Variants in MEGF11 observed in about 807,000 individuals in gnomAD.
MEGF11 encodes the protein multiple epidermal growth factor-like domains protein 11.
A neutral mutation model predicts 146.6 loss-of-function variants in MEGF11; 126 were observed. The observed-to-expected ratio is 0.86, with a 90% confidence interval of 0.74 to 1.00. The LOEUF (loss-of-function observed/expected upper bound fraction) is 1.00. Ranked by LOEUF, MEGF11 falls within the 50% of genes least tolerant of loss-of-function variation. MEGF11 has a pLI of 0.00. For missense variants in MEGF11, 1,509 were observed against 1,521.2 expected, an observed-to-expected ratio of 0.99 and a Z score of 0.13; for synonymous variants, 532 against 583.4, an observed-to-expected ratio of 0.91 and a Z score of 1.27.
chr15:65,956,609 C>T (rs2080648256), intron 10 of MEGF11, among the ~76,000 whole-genome samples: 1 of 152,240 alleles, frequency 6.6e-6, no homozygotes, highest in African/African-American at 2.4e-5. Context: ...CACAATTAAA[C>T]ATGGCCATAG....
chr15:66,031,619 G>A (rs1259498710), intron 5 of MEGF11, among the ~76,000 whole-genome samples: 3 of 152,216 alleles, frequency 2.0e-5, no homozygotes, highest in Non-Finnish European at 4.4e-5. Context: ...TGGTGGAGAG[G>A]CTGAGCTTGG....
chr15:66,013,753 G>A (rs1214720035), intron 5 of MEGF11, among the ~76,000 whole-genome samples: 6 of 152,186 alleles, frequency 3.9e-5, no homozygotes, highest in African/African-American at 1.4e-4. Context: ...ATGCAGAGGG[G>A]ACACCACATC....
At chr15:66,061,190 C>G (rs1050583550) in intron 5 of MEGF11, among the ~76,000 whole-genome samples, 1 of 152,186 alleles carries the variant, frequency 6.6e-6, no homozygotes, top group African/African-American at 2.4e-5. Context: ...TGGATCAGGG[C>G]CAAGGGGTAA....
chr15:66,137,363 C>T (rs2088933487), intron 1 of MEGF11, among the ~76,000 whole-genome samples: 1 of 152,064 alleles, frequency 6.6e-6, no homozygotes, highest in Non-Finnish European at 1.5e-5. Flanking sequence ...GAAGATGACC[C>T]TAAAGTCTTA....
At position 66,059,556 on chromosome 15, in the gene MEGF11, C is replaced by A. The variant is rs1318169277; in HGVS notation, c.394+34846G>T. Among the ~76,000 whole-genome samples the A allele has an allele frequency of 5.3e-5, 8 of 152,254 alleles. No individual in the cohort carries two copies. The South Asian group carries it at 8.3e-4, about 16-fold the overall frequency. ...CATTACCCATGTGCTTTTGACTCAG[C>A]AAAACTCCCAGCCCTCCCGCCCCTG... On this transcript the variant is annotated intron_variant, in intron 5 of 25. Coordinates refer to ENST00000395614, the MANE Select transcript of MEGF11 (RefSeq NM_001385028.1).
chr15:66,062,845 G>A (rs1668611211), intron 5 of MEGF11, among the ~76,000 whole-genome samples: 1 of 152,238 alleles, frequency 6.6e-6, no homozygotes, highest in Non-Finnish European at 1.5e-5. Context: ...CCCTATGGAG[G>A]TCAGCATAGC....
At chr15:66,050,790 C>A (rs2084417703) in intron 5 of MEGF11, among the ~76,000 whole-genome samples, 1 of 152,236 alleles carries the variant, frequency 6.6e-6, no homozygotes, top group South Asian at 2.1e-4. Flanking sequence ...CCAGGGCCCA[C>A]CCTGACCATC....
chr15:66,058,500 C>G (rs2084771627), intron 5 of MEGF11, among the ~76,000 whole-genome samples: 1 of 152,198 alleles, frequency 6.6e-6, no homozygotes, highest in African/African-American at 2.4e-5. Flanking sequence ...GGTTGAGAGA[C>G]AGCTTTGGGC....
At chr15:66,083,758 A>T (rs1196981294) in intron 5 of MEGF11, among the ~76,000 whole-genome samples, 1 of 152,128 alleles carries the variant, frequency 6.6e-6, no homozygotes, top group Non-Finnish European at 1.5e-5. Context: ...TACGAAAAAA[A>T]TTTAAAAAAT....
chr15:66,170,761 C>T (rs922684496), intron 1 of MEGF11, among the ~76,000 whole-genome samples: 1 of 152,256 alleles, frequency 6.6e-6, no homozygotes, highest in African/African-American at 2.4e-5. Context: ...CTGAAGACCC[C>T]CACTCCCCAT....
chr15:66,195,829 G>A (rs989277182), intron 1 of MEGF11, among the ~76,000 whole-genome samples: 1 of 152,208 alleles, frequency 6.6e-6, no homozygotes, highest in Non-Finnish European at 1.5e-5. Context: ...AGCCGCGGTG[G>A]GGCCCTATCA....
intron 1 of MEGF11, among the ~76,000 whole-genome samples, chr15:66,215,146 G>A (rs1476172332): frequency 6.6e-6 from 1 of 152,164 alleles, no homozygotes; most frequent in Admixed American, 6.5e-5. Flanking sequence ...CTTAATCTGA[G>A]TTCTAGTCTC....
chr15:66,108,717 G>A (rs2087229547), intron 4 of MEGF11, among the ~76,000 whole-genome samples: 1 of 152,208 alleles, frequency 6.6e-6, no homozygotes, highest in Non-Finnish European at 1.5e-5. Context: ...GAGGCACAGA[G>A]TCAGCTGGGG....
intron 1 of MEGF11, among the ~76,000 whole-genome samples, chr15:66,146,579 G>T (rs1045494873): frequency 2.0e-5 from 3 of 152,358 alleles, no homozygotes; most frequent in Admixed American, 2.0e-4. Flanking sequence ...CACGCACGCC[G>T]ACACCTCCCA....
intron 5 of MEGF11, among the ~76,000 whole-genome samples, chr15:66,009,138 G>A (rs1567200143): frequency 6.6e-6 from 1 of 152,120 alleles, no homozygotes; most frequent in Non-Finnish European, 1.5e-5. Flanking sequence ...TGCAATCTGT[G>A]CCTGGGGACT....
At chr15:66,044,556 C>T (rs1293535880) in intron 5 of MEGF11, among the ~76,000 whole-genome samples, 2 of 152,038 alleles carry the variant, frequency 1.3e-5, no homozygotes, top group Non-Finnish European at 2.9e-5. Flanking sequence ...GGTCACTTTT[C>T]TTAAAAATTG....
In MEGF11 at chr15:66,108,894, A is replaced by C. The variant is rs1287293461; in HGVS notation, c.301+10192T>G. Among the ~76,000 whole-genome samples, 3 of 152,362 alleles carry C rather than the reference A, an allele frequency of 2.0e-5. No individual in the cohort carries two copies. The East Asian group carries it at 5.8e-4, about 29-fold the overall frequency. Reference sequence around the variant, plus strand: ...CCACTTCATGGGCTTCAGCTGGCCCAGGAAAACCCAGGAAGAGAGCTTACA... The same window carrying C: ...CCACTTCATGGGCTTCAGCTGGCCCCGGAAAACCCAGGAAGAGAGCTTACA... On this transcript the variant is annotated intron_variant, in intron 4 of 25. Coordinates refer to ENST00000395614, the MANE Select transcript of MEGF11 (RefSeq NM_001385028.1).
intron 5 of MEGF11, among the ~76,000 whole-genome samples, chr15:66,083,648 T>A (rs1255093137): frequency 6.6e-6 from 1 of 151,932 alleles, no homozygotes; most frequent in African/African-American, 2.4e-5. Context: ...AAAAAAAAAC[T>A]TTTATATATC....
intron 1 of MEGF11, among the ~76,000 whole-genome samples, chr15:66,198,313 T>C (rs961707443): frequency 6.6e-6 from 1 of 152,152 alleles, no homozygotes; most frequent in Non-Finnish European, 1.5e-5. Context: ...ATGAATCTAT[T>C]TCTTTATACT....
Sources: gnomAD v4.1 joint callset for allele counts (sites outside exome capture counted in the v4.1 genomes callset) on GRCh38, gnomAD v4.1.1 for gene constraint, MANE v1.5 for transcripts, NCBI Gene and HGNC (gene_info 2026-07-23, HGNC 2026-07-21) for gene names.